Variants in PREP observed in about 807,000 individuals in gnomAD.
PREP encodes the protein prolyl endopeptidase, also known as dJ355L5.1 (prolyl endopeptidase).
In PREP, 29 loss-of-function variants were observed where a neutral mutation model predicts 87.6. That is an observed-to-expected ratio of 0.33 (90% CI 0.25 to 0.45). The LOEUF is 0.45. PREP is among the 20% of genes least tolerant of loss of function. The pLI, the probability that PREP is intolerant of heterozygous loss-of-function variation, is 1.00. For missense variants in PREP, 695 were observed against 886.5 expected (o/e 0.78, Z 2.74); for synonymous variants, 337 against 328.6 (o/e 1.03, Z -0.28).
chr6:105,317,742 C>T (rs1339700557), intron 10 of PREP, among the ~76,000 whole-genome samples: 1 of 152,144 alleles, frequency 6.6e-6, no homozygotes, highest in Non-Finnish European at 1.5e-5. Context: ...GAATCAAACA[C>T]CTGGAGAGCC....
chr6:105,355,724 T>C (rs1583077676), intron 6 of PREP, among the ~76,000 whole-genome samples: 1 of 152,236 alleles, frequency 6.6e-6, no homozygotes, highest in Non-Finnish European at 1.5e-5. Flanking sequence ...AAATACATAC[T>C]GTTACATAAC....
intron 7 of PREP, among the ~76,000 whole-genome samples, chr6:105,340,464 T>A (rs1194952621): frequency 1.3e-5 from 2 of 152,064 alleles, no homozygotes; most frequent in South Asian, 2.1e-4. Flanking sequence ...ATCATTGATA[T>A]TAGGAAGAAA....
chr6:105,309,623 ATAAG>A (rs1770720736), intron 10 of PREP, among the ~76,000 whole-genome samples: 1 of 152,130 alleles, frequency 6.6e-6, no homozygotes, highest in Non-Finnish European at 1.5e-5. Flanking sequence ...TCAAGATAAA[ATAAG>A]TAAGCAAATG....
rs536862003 is a variant in PREP at position 105,322,808 on chromosome 6, T to C, written c.1317+857A>G. On this transcript the variant is annotated intron_variant, in intron 10 of 14. Transcript: ENST00000652536. ...AACAAAGCTTTATTCATGATCTAGA[T>C]GTAGCCTATCATCTAGACCATTTCT... 9.0e-6 allele frequency: 10 copies of C among 1,106,344 alleles called. No individual in the cohort carries two copies. In the Admixed American group the frequency reaches 3.7e-4, roughly 41 times the overall value. 68.5% of individuals were successfully genotyped at this position (1,106,344 alleles called of 1,614,324 possible). A position where few individuals can be genotyped will look rare whatever the true frequency, so the allele number is the denominator to read the frequency against.
intron 2 of PREP, among the ~76,000 whole-genome samples, chr6:105,391,063 T>TACACAC (rs1773131859): frequency 8.4e-6 from 1 of 119,530 alleles, no homozygotes; most frequent in Non-Finnish European, 1.6e-5. Flanking sequence ...ACACACACTT[T>TACACAC]TTTTTTTTTT....
At position 105,350,505 on chromosome 6, in the gene PREP, C is replaced by T. The variant is rs964153506; in HGVS notation, c.823+2467G>A. Among the ~76,000 whole-genome samples the T allele has an allele frequency of 5.9e-5, 9 of 152,094 alleles. No individual in the cohort carries two copies. The South Asian group carries it at 8.3e-4, about 14-fold the overall frequency. Reference sequence around the variant, plus strand: ...CCATTTTTTTTCTTAATTTAATGATCCCTATCTGAATCTGCTGTGTCTCCC... The same window carrying T: ...CCATTTTTTTTCTTAATTTAATGATTCCTATCTGAATCTGCTGTGTCTCCC... On this transcript the variant is annotated intron_variant, in intron 7 of 14. Coordinates refer to ENST00000652536, the MANE Select transcript of PREP (RefSeq NM_002726.5).
chr6:105,282,215 G>A (rs1770097886), intron 13 of PREP, among the ~76,000 whole-genome samples: 1 of 152,202 alleles, frequency 6.6e-6, no homozygotes. Context: ...CAGTGATGAG[G>A]GAGATTAAGG....
At chr6:105,396,995 C>T (rs1477906018) in intron 2 of PREP, among the ~76,000 whole-genome samples, 1 of 151,906 alleles carries the variant, frequency 6.6e-6, no homozygotes, top group Non-Finnish European at 1.5e-5. Context: ...ACCAGCCTGG[C>T]CAACATGGTG....
In PREP at chr6:105,327,559, T is replaced by C. The variant is rs9391275; in HGVS notation, c.1213+1270A>G. Among the ~76,000 whole-genome samples, 226 of 152,334 alleles carry C rather than the reference T, an allele frequency of 1.5e-3. 5 individuals carry two copies. The East Asian group carries it at 0.039, about 27-fold the overall frequency. ...CCACCACTATAAGATTCCTTATGGA[T>C]TGCCTGCTCTGTGACTCAGAGGCTC... On this transcript the variant is annotated intron_variant, in intron 9 of 14. Coordinates refer to ENST00000652536, the MANE Select transcript of PREP (RefSeq NM_002726.5).
In PREP at chr6:105,323,731, C is replaced by T. The variant is rs1771078044; in HGVS notation, c.1251G>A (p.Leu417=). 6.2e-7 allele frequency: 1 copy of T among 1,613,810 alleles called. No individual in the cohort carries two copies. Among genetic ancestry groups the T allele is most frequent in the Non-Finnish European group, 8.5e-7 (1 of 1,179,686 alleles). ...IYHCDLTKEE[L]EPRVFREVTV... ...TCACCTCTCGGAAAACTCTTGGCTC[C>T]AGCTCCTCTTTGGTAAGATCACAGT... Residue 417 remains leucine (L), a synonymous_variant, in exon 10 of 15, where the codon CTG becomes CTA. Coordinates refer to ENST00000652536, the MANE Select transcript of PREP (RefSeq NM_002726.5).
intron 2 of PREP, among the ~76,000 whole-genome samples, chr6:105,380,281 A>G (rs1297378354): frequency 9.2e-5 from 14 of 152,036 alleles, no homozygotes; most frequent in Admixed American, 7.9e-4. Flanking sequence ...TGGCAGGGGG[A>G]ATAACTTGGC....
intron 7 of PREP, among the ~76,000 whole-genome samples, chr6:105,342,563 T>TATTC (rs1645557373): frequency 6.6e-6 from 1 of 152,120 alleles, no homozygotes; most frequent in African/African-American, 2.4e-5. Context: ...AAATAAAAGG[T>TATTC]ATTCAATTAG....
chr6:105,401,868 A>G (rs1773438287), intron 1 of PREP, among the ~76,000 whole-genome samples: 1 of 152,276 alleles, frequency 6.6e-6, no homozygotes, highest in East Asian at 1.9e-4. Context: ...TTGGGAAAGT[A>G]AACAGAAAAA....
chr6:105,312,090 T>G (rs1209082662), intron 10 of PREP, among the ~76,000 whole-genome samples: 1 of 152,226 alleles, frequency 6.6e-6, no homozygotes, highest in Non-Finnish European at 1.5e-5. Context: ...AACAGAAAAC[T>G]TGAGGCTCCA....
rs563898993 is a variant in PREP at position 105,333,710 on chromosome 6, G to A, written c.824-205C>T. Among the ~76,000 whole-genome samples, 4 of 152,122 alleles carry A rather than the reference G, an allele frequency of 2.6e-5. No homozygotes were observed. In the East Asian group the frequency reaches 5.8e-4, roughly 22 times the overall value. ...AGCCCCTGAAAAACCCAGCAAGGAC[G>A]GGGGAATGAAGGACCTCTCTTCCCG... On this transcript the variant is annotated intron_variant, in intron 7 of 14. Coordinates refer to ENST00000652536, the MANE Select transcript of PREP (RefSeq NM_002726.5).
At chr6:105,353,966 T>C (rs1207996006) in intron 6 of PREP, among the ~76,000 whole-genome samples, 1 of 152,102 alleles carries the variant, frequency 6.6e-6, no homozygotes, top group African/African-American at 2.4e-5. Context: ...AGCAGAATGT[T>C]AGGTAGCAAA....
At chr6:105,348,925 G>C (rs560918151) in intron 7 of PREP, among the ~76,000 whole-genome samples, 9 of 151,972 alleles carry the variant, frequency 5.9e-5, no homozygotes, top group Middle Eastern at 3.4e-3. Flanking sequence ...CCCTGACAGG[G>C]ACCTCTCTTC....
intron 7 of PREP, among the ~76,000 whole-genome samples, chr6:105,348,033 C>T (rs1323148002): frequency 6.6e-6 from 1 of 152,062 alleles, no homozygotes; most frequent in Non-Finnish European, 1.5e-5. Flanking sequence ...GGGCATGAAC[C>T]ACATCAAGGA....
At chr6:105,367,024 C>T (rs371045921) in intron 6 of PREP, among the ~76,000 whole-genome samples, 2 of 152,198 alleles carry the variant, frequency 1.3e-5, no homozygotes, top group African/African-American at 4.8e-5. Flanking sequence ...TTGATGATAA[C>T]GGTTGTACAA....
Sources: allele counts gnomAD v4.1 joint callset (sites outside exome capture counted in the v4.1 genomes callset), GRCh38; gene constraint gnomAD v4.1.1; transcripts MANE v1.5; gene names NCBI Gene and HGNC (gene_info 2026-07-23, HGNC 2026-07-21).